Variants in TMEM131 observed in about 807,000 individuals in gnomAD.
The protein encoded by TMEM131 is 2610524E03Rik.
A neutral mutation model predicts 211.6 loss-of-function variants in TMEM131; 66 were observed. The observed-to-expected ratio is 0.31, with a 90% CI of 0.26 to 0.38. The LOEUF is 0.38. Among genes scored for constraint, TMEM131 ranks in the 10% least tolerant of loss-of-function variants. The pLI, the probability that TMEM131 is intolerant of heterozygous loss-of-function variation, is 1.00. For synonymous variants in TMEM131, 844 were observed against 841.3 expected, an observed-to-expected ratio of 1.00 and a Z score of -0.06; for missense variants, 2,036 against 2,299.3, an observed-to-expected ratio of 0.89 and a Z score of 2.34.
At chr2:97,767,456 A>G (rs1679225634) in intron 33 of TMEM131, among the ~76,000 whole-genome samples, 1 of 152,114 alleles carries the variant, frequency 6.6e-6, no homozygotes, top group African/African-American at 2.4e-5. Flanking sequence ...CCACATCTCT[A>G]ATGCCCACCA....
intron 1 of TMEM131, among the ~76,000 whole-genome samples, chr2:97,942,964 A>G (rs548295574): frequency 6.8e-6 from 1 of 146,150 alleles, no homozygotes; most frequent in South Asian, 2.1e-4. Context: ...GCTACAAAAA[A>G]AAAGAAAGAA....
chr2:97,987,901 G>C (rs1680097707), intron 1 of TMEM131, among the ~76,000 whole-genome samples: 1 of 152,092 alleles, frequency 6.6e-6, no homozygotes, highest in Non-Finnish European at 1.5e-5. Flanking sequence ...GTGATCTATA[G>C]GTTCAACACA....
At chr2:97,760,948 C>T in intron 36 of TMEM131, 34 bp from the exon 37 acceptor site, 1 of 1,612,166 alleles carries the variant, frequency 6.2e-7, no homozygotes, top group Non-Finnish European at 8.5e-7. Context: ...ACTCATTCCT[C>T]ATCAGCAGTG....
chr2:97,814,169 CA>C (rs745502596), intron 14 of TMEM131, 28 bp from the exon 15 acceptor site: 1 of 1,611,542 alleles, frequency 6.2e-7, no homozygotes, highest in African/African-American at 1.3e-5. Flanking sequence ...AGAAAAAAAA[CA>C]AAGTGTCAGC....
At chr2:97,805,272 T>C (rs939822586) in intron 21 of TMEM131, 67 bp from the exon 22 acceptor site, 237 of 1,564,310 alleles carry the variant, frequency 1.5e-4, no homozygotes, top group Non-Finnish European at 1.9e-4. Context: ...AAATAATTTC[T>C]ATAGTAACAA....
intron 1 of TMEM131, among the ~76,000 whole-genome samples, chr2:97,948,814 C>G (rs1054210618): frequency 6.6e-6 from 1 of 152,090 alleles, no homozygotes; most frequent in Non-Finnish European, 1.5e-5. Context: ...CCCGCCACCA[C>G]GCCCGGCTAA....
chr2:97,977,084 G>GA (rs1042477364), intron 1 of TMEM131, among the ~76,000 whole-genome samples: 5 of 151,954 alleles, frequency 3.3e-5, no homozygotes, highest in Non-Finnish European at 7.4e-5. Flanking sequence ...GAATACAGGA[G>GA]AAAATCTTTG....
At chr2:97,759,348 A>G (rs1573310170) in intron 39 of TMEM131, 2 of 531,170 alleles carry the variant, frequency 3.8e-6, no homozygotes, top group South Asian at 4.9e-5. Context: ...CAGCAAGAAG[A>G]GGACCCCTGG....
At chr2:97,809,142 A>C (rs1681438081) in intron 19 of TMEM131, among the ~76,000 whole-genome samples, 1 of 152,062 alleles carries the variant, frequency 6.6e-6, no homozygotes, top group African/African-American at 2.4e-5. Flanking sequence ...TCACTCAAAA[A>C]CTTCATATTC....
rs116741623 is a variant in TMEM131 at position 97,987,196 on chromosome 2, A to G, written c.187+8280T>C. ...AACCAAACTGCCATATCACTTTGCAATCATTATAACTGATTTAAAAAATAG... is the reference window on the plus strand; with the variant it reads ...AACCAAACTGCCATATCACTTTGCAGTCATTATAACTGATTTAAAAAATAG... On this transcript the variant is annotated intron_variant, in intron 1 of 40. Transcript: ENST00000186436. Among the ~76,000 whole-genome samples, 593 of 152,358 alleles carry G rather than the reference A, an allele frequency of 3.9e-3. 5 individuals carry two copies. The highest frequency in any genetic ancestry group is 0.014 in the African/African-American group (565 of 41,588).
intron 33 of TMEM131, among the ~76,000 whole-genome samples, chr2:97,768,931 AG>A (rs1243687727): frequency 6.9e-6 from 1 of 144,510 alleles, no homozygotes; most frequent in East Asian, 4.7e-4. Context: ...AAGGAAAAAC[AG>A]GTGGTTCAGA....
rs575036331 is a variant in TMEM131 at position 97,758,518 on chromosome 2, T to C, written c.5367+375A>G. ...TGCTCCTGGGTGGCCAGTGGCTGCATTGCACAGATGCCGAAGGCTTCCCTC... is the reference window on the plus strand; with the variant it reads ...TGCTCCTGGGTGGCCAGTGGCTGCACTGCACAGATGCCGAAGGCTTCCCTC... On this transcript the variant is annotated intron_variant, in intron 40 of 40. Coordinates refer to ENST00000186436, the MANE Select transcript of TMEM131 (RefSeq NM_015348.2). 3.9e-4 allele frequency among the ~76,000 whole-genome samples: 60 copies of C among 152,338 alleles called. 1 individual carries two copies. The highest frequency in any genetic ancestry group is 1.3e-3 in the African/African-American group (56 of 41,584).
At chr2:97,814,443 T>C in intron 13 of TMEM131, 55 bp from the exon 14 acceptor site, 1 of 1,463,446 alleles carries the variant, frequency 6.8e-7, no homozygotes. Context: ...CATGTGTTAA[T>C]TTAAAATCCA....
intron 1 of TMEM131, among the ~76,000 whole-genome samples, chr2:97,947,133 T>C (rs1440444338): frequency 1.3e-5 from 2 of 152,050 alleles, no homozygotes; most frequent in Admixed American, 6.5e-5. Flanking sequence ...CTAAATACTT[T>C]CCATTTAAGA....
intron 31 of TMEM131, among the ~76,000 whole-genome samples, chr2:97,787,278 T>TA (rs1437423839): frequency 6.6e-6 from 1 of 152,242 alleles, no homozygotes; most frequent in Non-Finnish European, 1.5e-5. Context: ...CTGAGCTAGT[T>TA]AGTTGCCTCT....
intron 1 of TMEM131, among the ~76,000 whole-genome samples, chr2:97,943,793 C>A (rs1433809688): frequency 2.0e-5 from 3 of 152,070 alleles, no homozygotes; most frequent in African/African-American, 7.2e-5. Context: ...TAAAGATAAA[C>A]CTTATCAAGG....
At chr2:97,803,968 T>C (rs17489915) in intron 22 of TMEM131, among the ~76,000 whole-genome samples, 50,755 of 152,052 alleles carry the variant, frequency 0.33, 9,332 homozygotes, top group Non-Finnish European at 0.39. Flanking sequence ...TTTGTATTCA[T>C]TTTAACCATC....
chr2:97,906,979 A>G (rs1258124632), intron 3 of TMEM131: 1 of 152,248 alleles, frequency 6.6e-6, no homozygotes, highest in Non-Finnish European at 1.5e-5. Flanking sequence ...GAAAATACTT[A>G]AAGCCCAAAT....
intron 40 of TMEM131, 82 bp downstream of exon 40, chr2:97,758,811 C>A: frequency 6.6e-7 from 1 of 1,512,230 alleles, no homozygotes; most frequent in South Asian, 1.2e-5. Flanking sequence ...ATAACTATGT[C>A]AGTGCCATCC....
Sources: gnomAD v4.1 joint callset for allele counts (sites outside exome capture counted in the v4.1 genomes callset) on GRCh38, gnomAD v4.1.1 for gene constraint, MANE v1.5 for transcripts, NCBI Gene and HGNC (gene_info 2026-07-23, HGNC 2026-07-21) for gene names.